Variants in UBE2E2 observed in about 807,000 individuals in gnomAD.
UBE2E2 encodes the protein ubiquitin-conjugating enzyme E2 E2.
UBE2E2 carries 6 observed loss-of-function variants against 24.7 expected under a neutral mutation model. The observed-to-expected ratio is 0.24, with a 90% CI of 0.13 to 0.48. The LOEUF (loss-of-function observed/expected upper bound fraction) is 0.48, where lower values mean the gene tolerates loss of function less well. UBE2E2 is among the 20% of genes least tolerant of loss of function. The pLI is 0.99. For missense variants in UBE2E2, 169 were observed against 245.0 expected, an observed-to-expected ratio of 0.69 and a Z score of 2.07; for synonymous variants, 104 against 83.6, an observed-to-expected ratio of 1.24 and a Z score of -1.33.
intron 3 of UBE2E2, among the ~76,000 whole-genome samples, chr3:23,478,490 C>T (rs1699185179): frequency 1.3e-5 from 2 of 152,152 alleles, no homozygotes; most frequent in Admixed American, 6.5e-5. Flanking sequence ...ACACAGATTT[C>T]CAGGTCCCAT....
At chr3:23,352,642 G>T (rs1695790747) in intron 3 of UBE2E2, among the ~76,000 whole-genome samples, 1 of 152,090 alleles carries the variant, frequency 6.6e-6, no homozygotes, top group African/African-American at 2.4e-5. Context: ...AGAAGAAATG[G>T]ATAAATTCCT....
intron 4 of UBE2E2, among the ~76,000 whole-genome samples, chr3:23,503,748 G>A (rs932255798): frequency 6.6e-6 from 1 of 151,930 alleles, no homozygotes; most frequent in African/African-American, 2.4e-5. Context: ...CAGCTTCTCA[G>A]GAGGCTGAGG....
chr3:23,297,880 T>C (rs1698956268), intron 3 of UBE2E2, among the ~76,000 whole-genome samples: 3 of 152,086 alleles, frequency 2.0e-5, no homozygotes, highest in Admixed American at 2.0e-4. Context: ...CCTTGGGCAG[T>C]ATGGCCATTT....
chr3:23,341,727 A>G (rs1306230845), intron 3 of UBE2E2, among the ~76,000 whole-genome samples: 4 of 152,084 alleles, frequency 2.6e-5, no homozygotes, highest in Non-Finnish European at 4.4e-5. Context: ...TTTTCTAAAA[A>G]TACTTTAGTA....
At chr3:23,217,225 TA>T (rs1228943246) in intron 2 of UBE2E2, 36 bp from the exon 3 acceptor site, 1 of 1,556,760 alleles carries the variant, frequency 6.4e-7, no homozygotes, top group African/African-American at 1.4e-5. Flanking sequence ...AGAGTGAAGA[TA>T]TTTTTAACAT....
chr3:23,317,266 C>T, intron 3 of UBE2E2, among the ~76,000 whole-genome samples: 1 of 152,184 alleles, frequency 6.6e-6, no homozygotes, highest in Non-Finnish European at 1.5e-5. Context: ...TTCCAGGCTA[C>T]TGGTATGGGC....
chr3:23,581,728 T>C (rs2125519122), intron 5 of UBE2E2, among the ~76,000 whole-genome samples: 1 of 152,340 alleles, frequency 6.6e-6, no homozygotes, highest in East Asian at 1.9e-4. Flanking sequence ...GTGTATGTTT[T>C]CTTATGAAAG....
intron 3 of UBE2E2, among the ~76,000 whole-genome samples, chr3:23,446,588 C>A (rs116935143): frequency 5.3e-5 from 8 of 151,930 alleles, no homozygotes; most frequent in Non-Finnish European, 1.0e-4. Context: ...GAGAAGAAAG[C>A]ATTCACCATA....
intron 3 of UBE2E2, chr3:23,449,843 A>G (rs2125415385): frequency 7.1e-6 from 7 of 985,298 alleles, no homozygotes; most frequent in East Asian, 1.1e-4. Context: ...GAAATTTCCC[A>G]TTTTTCACTG....
At chr3:23,500,743 A>G (rs573499969) in intron 4 of UBE2E2, among the ~76,000 whole-genome samples, 4 of 151,794 alleles carry the variant, frequency 2.6e-5, no homozygotes, top group Non-Finnish European at 5.9e-5. Flanking sequence ...CTTCCTTTCC[A>G]TTGATGCTTA....
At chr3:23,358,555 CTT>C (rs1696029721) in intron 3 of UBE2E2, among the ~76,000 whole-genome samples, 1 of 151,876 alleles carries the variant, frequency 6.6e-6, no homozygotes. Context: ...ATAGTTGAGA[CTT>C]TTATTTTAGG....
chr3:23,297,551 A>G (rs1243095085), intron 3 of UBE2E2, among the ~76,000 whole-genome samples: 5 of 152,216 alleles, frequency 3.3e-5, no homozygotes, highest in African/African-American at 7.2e-5. Flanking sequence ...TCCCAGCACC[A>G]TTTATTAAAT....
At chr3:23,443,898 A>G (rs1199784413) in intron 3 of UBE2E2, among the ~76,000 whole-genome samples, 1 of 152,100 alleles carries the variant, frequency 6.6e-6, no homozygotes, top group Non-Finnish European at 1.5e-5. Flanking sequence ...GTTATGTGCA[A>G]TCAGTAACTG....
chr3:23,251,019 C>T (rs1697560178), intron 3 of UBE2E2, among the ~76,000 whole-genome samples: 1 of 152,080 alleles, frequency 6.6e-6, no homozygotes, highest in African/African-American at 2.4e-5. Flanking sequence ...CATCATGCTT[C>T]TAATTAAAAA....
intron 3 of UBE2E2, among the ~76,000 whole-genome samples, chr3:23,322,258 C>G (rs1694760319): frequency 6.6e-6 from 1 of 152,154 alleles, no homozygotes; most frequent in African/African-American, 2.4e-5. Flanking sequence ...ATGTCACCAT[C>G]TGGGCTGCAA....
chr3:23,288,237 G>A (rs537903434), intron 3 of UBE2E2, among the ~76,000 whole-genome samples: 4 of 152,020 alleles, frequency 2.6e-5, no homozygotes, highest in African/African-American at 4.8e-5. Flanking sequence ...AATTCTTCTC[G>A]TTATTGAGCT....
At chr3:23,269,343 A>G (rs914917368) in intron 3 of UBE2E2, among the ~76,000 whole-genome samples, 4 of 152,254 alleles carry the variant, frequency 2.6e-5, no homozygotes, top group Admixed American at 6.5e-5. Flanking sequence ...AATGAACTCA[A>G]AAAATTTACA....
chr3:23,299,032 A>T (rs1575543054), intron 3 of UBE2E2, among the ~76,000 whole-genome samples: 1 of 152,142 alleles, frequency 6.6e-6, no homozygotes, highest in South Asian at 2.1e-4. Flanking sequence ...TGTATATGTC[A>T]GGGAATTAAT....
intron 3 of UBE2E2, among the ~76,000 whole-genome samples, chr3:23,401,271 T>A (rs534376897): frequency 6.6e-6 from 1 of 152,280 alleles, no homozygotes; most frequent in East Asian, 1.9e-4. Flanking sequence ...GGAGTTAGAA[T>A]ACAAAACACT....
Sources: allele counts gnomAD v4.1 joint callset (sites outside exome capture counted in the v4.1 genomes callset), GRCh38; gene constraint gnomAD v4.1.1; transcripts MANE v1.5; gene names NCBI Gene and HGNC (gene_info 2026-07-23, HGNC 2026-07-21).